KCNMA1: variants seen among roughly 807,000 people sequenced by gnomAD.
KCNMA1 encodes the protein Calcium-activated potassium channel subunit alpha-1.
In KCNMA1, 29 loss-of-function variants were observed where a neutral mutation model predicts 140.0. That is an observed-to-expected ratio of 0.21 (90% CI 0.15 to 0.28). The LOEUF is 0.28. Ranked by LOEUF, KCNMA1 falls within the 10% of genes least tolerant of loss-of-function variation. The pLI is 1.00. For synonymous variants in KCNMA1, 612 were observed against 611.9 expected (o/e 1.00, Z 0.00); for missense variants, 880 against 1,602.2 (o/e 0.55, Z 7.70).
At chr10:77,509,538 A>G (rs1242756554) in intron 1 of KCNMA1, among the ~76,000 whole-genome samples, 1 of 152,166 alleles carries the variant, frequency 6.6e-6, no homozygotes, top group African/African-American at 2.4e-5. Context: ...GATCATGGTA[A>G]TTCTATGTGT....
chr10:77,268,390 A>T (rs1212984235), intron 2 of KCNMA1, among the ~76,000 whole-genome samples: 1 of 152,180 alleles, frequency 6.6e-6, no homozygotes, highest in African/African-American at 2.4e-5. Context: ...CTCCGAGAGA[A>T]GCCAGTAGCA....
At chr10:76,986,813 C>G (rs1014447775) in intron 19 of KCNMA1, among the ~76,000 whole-genome samples, 1 of 152,150 alleles carries the variant, frequency 6.6e-6, no homozygotes, top group Admixed American at 6.5e-5. Flanking sequence ...CTCAAATACC[C>G]AATGACATAT....
chr10:76,898,783 C>T (rs2043753355), intron 25 of KCNMA1, among the ~76,000 whole-genome samples: 1 of 151,502 alleles, frequency 6.6e-6, no homozygotes, highest in Non-Finnish European at 1.5e-5. Flanking sequence ...GAGACAAATT[C>T]AGAGCCTTTA....
intron 23 of KCNMA1, among the ~76,000 whole-genome samples, chr10:76,932,816 G>T (rs996236169): frequency 3.3e-5 from 5 of 152,106 alleles, no homozygotes; most frequent in African/African-American, 1.2e-4. Flanking sequence ...CCAGTCTACC[G>T]CTGAGAGGAA....
chr10:76,890,680 T>A (rs1235531451), intron 26 of KCNMA1, among the ~76,000 whole-genome samples: 1 of 152,218 alleles, frequency 6.6e-6, no homozygotes, highest in African/African-American at 2.4e-5. Context: ...GTAACAGGTT[T>A]ATCAGTTTCT....
At chr10:77,402,771 T>A (rs895491170) in intron 2 of KCNMA1, among the ~76,000 whole-genome samples, 3 of 152,218 alleles carry the variant, frequency 2.0e-5, no homozygotes, top group African/African-American at 7.2e-5. Context: ...TGTCCCTGCC[T>A]GGTCTTTGAG....
At chr10:77,554,610 AAAAAAAAAG>A (rs1052142952) in intron 1 of KCNMA1, among the ~76,000 whole-genome samples, 4 of 150,372 alleles carry the variant, frequency 2.7e-5, no homozygotes, top group Admixed American at 6.6e-5. Flanking sequence ...AAAAAAAAAA[AAAAAAAAAG>A]AAAGAAAGAA....
At chr10:77,467,646 G>A (rs1341936216) in intron 1 of KCNMA1, among the ~76,000 whole-genome samples, 1 of 152,232 alleles carries the variant, frequency 6.6e-6, no homozygotes, top group Non-Finnish European at 1.5e-5. Context: ...CGAGGTCAAG[G>A]TTAGTTCCCA....
intron 3 of KCNMA1, among the ~76,000 whole-genome samples, chr10:77,227,967 T>TA (rs2052111336): frequency 2.7e-5 from 4 of 150,400 alleles, no homozygotes; most frequent in African/African-American, 7.3e-5. Context: ...TAATTTAATT[T>TA]TTTTTTTTTT....
chr10:77,176,741 T>C (rs1195373312), intron 5 of KCNMA1, among the ~76,000 whole-genome samples: 9 of 152,102 alleles, frequency 5.9e-5, no homozygotes, highest in African/African-American at 1.9e-4. Context: ...GAAATAATAA[T>C]GGGAATAATA....
intron 3 of KCNMA1, among the ~76,000 whole-genome samples, chr10:77,185,476 GGTTCTGGCTAGATTAAGCACAGACTTTCT>G (rs1379636556): frequency 6.6e-6 from 1 of 152,138 alleles, no homozygotes; most frequent in Non-Finnish European, 1.5e-5. Context: ...TCCTGGGTGA[GGTTCTGGCTAGATTAAGCACAGACTTTCT>G]GTGCAGGACT....
intron 17 of KCNMA1, among the ~76,000 whole-genome samples, chr10:77,014,929 G>A (rs530235393): frequency 4.6e-5 from 7 of 152,214 alleles, no homozygotes; most frequent in African/African-American, 9.6e-5. Flanking sequence ...ACGGAGTTTC[G>A]CTGGGAAAGA....
chr10:77,451,935 C>T (rs575483059), intron 1 of KCNMA1, among the ~76,000 whole-genome samples: 7 of 152,292 alleles, frequency 4.6e-5, no homozygotes, highest in African/African-American at 1.7e-4. Context: ...CTGTGGAACA[C>T]CCCTGGCTTT....
At chr10:77,131,269 A>G (rs575535883) in intron 5 of KCNMA1, among the ~76,000 whole-genome samples, 1 of 152,354 alleles carries the variant, frequency 6.6e-6, no homozygotes, top group Non-Finnish European at 1.5e-5. Flanking sequence ...ACACAAAGAC[A>G]GCATTCACAT....
chr10:77,413,897 C>A (rs892479261), intron 1 of KCNMA1, among the ~76,000 whole-genome samples: 5 of 152,190 alleles, frequency 3.3e-5, no homozygotes, highest in Admixed American at 6.5e-5. Context: ...TAACCGATTA[C>A]CCCGAGCTGT....
chr10:76,944,601 G>T (rs944183265), intron 23 of KCNMA1, among the ~76,000 whole-genome samples, 172 bp downstream of exon 23: 2 of 152,188 alleles, frequency 1.3e-5, no homozygotes, highest in African/African-American at 2.4e-5. Context: ...CTGCATTCTG[G>T]AATGGAAAGA....
intron 1 of KCNMA1, chr10:77,634,152 G>C (rs1360997118): frequency 1.0e-6 from 1 of 985,216 alleles, no homozygotes; most frequent in Non-Finnish European, 1.2e-6. Flanking sequence ...TACCAGAGCA[G>C]CTCCCTATTC....
chr10:77,095,624 G>C lies in KCNMA1; in HGVS notation c.1224-5114C>G, dbSNP rs374422386. On this transcript the variant is annotated intron_variant, in intron 9 of 27. Coordinates refer to ENST00000286628, the MANE Select transcript of KCNMA1 (RefSeq NM_001161352.2). ...CACTATTGAGGGTCACCATAAATTCGCCAGTTGCTTATTTCATGTGCATAT... is the reference window on the plus strand; with the variant it reads ...CACTATTGAGGGTCACCATAAATTCCCCAGTTGCTTATTTCATGTGCATAT... Among the ~76,000 whole-genome samples, 32 of 152,222 alleles carry C rather than the reference G, an allele frequency of 2.1e-4. 1 individual carries two copies. Among genetic ancestry groups the C allele is most frequent in the African/African-American group, 7.2e-4 (30 of 41,536 alleles).
At chr10:77,039,883 C>CTTTTTTTTTTTTTTTTTTTTTTTTTT (rs34943268) in intron 14 of KCNMA1, among the ~76,000 whole-genome samples, 6 of 78,948 alleles carry the variant, frequency 7.6e-5, no homozygotes, top group Admixed American at 2.0e-4. Context: ...TTTTCTTTTT[C>CTTTTTTTTTTTTTTTTTTTTTTTTTT]TTTTTTTTTT....
Sources: gnomAD v4.1 joint callset for allele counts (sites outside exome capture counted in the v4.1 genomes callset) on GRCh38, gnomAD v4.1.1 for gene constraint, MANE v1.5 for transcripts, NCBI Gene and HGNC (gene_info 2026-07-23, HGNC 2026-07-21) for gene names.